GLMN: variants seen among roughly 807,000 people sequenced by gnomAD.
The protein encoded by GLMN is glomulin, FKBP associated protein, also known as glomulin.
Under a neutral mutation model 87.8 loss-of-function variants are expected in GLMN, and 75 were observed. The ratio of observed to expected loss-of-function variants is 0.85; its 90% CI spans 0.71 to 1.04. The LOEUF is 1.04. GLMN is among the 50% of genes least tolerant of loss of function. The probability of loss-of-function intolerance (pLI) is 0.00; values close to 1 mark genes in which losing one functional copy is unlikely to be tolerated. For missense variants in GLMN, 588 were observed against 658.8 expected (o/e 0.89, Z 1.18); for synonymous variants, 206 against 221.6 (o/e 0.93, Z 0.63).
chr1:92,276,499 C>T (rs921793603), intron 7 of GLMN, among the ~76,000 whole-genome samples: 1 of 151,876 alleles, frequency 6.6e-6, no homozygotes, highest in Non-Finnish European at 1.5e-5. Context: ...CCATCTCTAC[C>T]CAAAATACAA....
chr1:92,248,058 A>G, intron 16 of GLMN, 69 bp from the exon 17 acceptor site: 1 of 762,576 alleles, frequency 1.3e-6, no homozygotes, highest in Non-Finnish European at 2.4e-6. Flanking sequence ...AACGCGATAA[A>G]AGCTCAAAAA....
chr1:92,333,448 A>G, the GLMN span: 2 of 1,613,524 alleles, frequency 1.2e-6, no homozygotes, highest in Non-Finnish European at 1.7e-6. Flanking sequence ...TAGAAAACGC[A>G]TCGTACTTGA....
At chr1:92,303,906 G>A, upstream of GLMN, 1 of 946,438 alleles carries the variant, frequency 1.1e-6, no homozygotes, top group Admixed American at 2.4e-5. Flanking sequence ...TAAGATTGAT[G>A]AGGCTTAGAG....
In GLMN at chr1:92,289,183, G is replaced by A. The variant is rs763836242; in HGVS notation, c.395-32C>T. 20 of 1,250,910 alleles carry A rather than the reference G, an allele frequency of 1.6e-5. No homozygotes were observed. The African/African-American group carries it at 2.9e-4, about 18-fold the overall frequency. The allele number at this position is 1,250,910 out of a possible 1,614,324, so 77.5% of individuals were successfully genotyped here. A position where few individuals can be genotyped will look rare whatever the true frequency, so the allele number is the denominator to read the frequency against. On this transcript the variant is annotated intron_variant, in intron 5 of 18. Coordinates refer to ENST00000370360, the MANE Select transcript of GLMN (RefSeq NM_053274.3). ...CAGAGATCAAGTTGTCGCTCATCAA[G>A]TATGCTAAACATGGGACAAGAAATT... is the stretch of plus-strand genomic sequence containing the variant.
chr1:92,328,126 T>A, the GLMN span, among the ~76,000 whole-genome samples: 4 of 152,242 alleles, frequency 2.6e-5, no homozygotes, highest in African/African-American at 9.6e-5. Context: ...CTGATGACTA[T>A]GTGCCGGGGC....
the GLMN span, among the ~76,000 whole-genome samples, chr1:92,363,452 G>A: frequency 6.6e-6 from 1 of 152,202 alleles, no homozygotes; most frequent in Non-Finnish European, 1.5e-5. Context: ...CGTGGCTGCA[G>A]ATGCATTTAT....
At chr1:92,355,792 A>C in the GLMN span, among the ~76,000 whole-genome samples, 1 of 152,158 alleles carries the variant, frequency 6.6e-6, no homozygotes, top group African/African-American at 2.4e-5. Context: ...CAGATTTTGG[A>C]TTTTTGGATT....
chr1:92,275,921 C>G (rs1647250782), intron 7 of GLMN, among the ~76,000 whole-genome samples: 2 of 152,170 alleles, frequency 1.3e-5, no homozygotes, highest in African/African-American at 4.8e-5. Context: ...CTCACCCCCT[C>G]TCATTCAAAG....
intron 7 of GLMN, among the ~76,000 whole-genome samples, chr1:92,278,354 G>T (rs1179830501): frequency 6.6e-6 from 1 of 152,088 alleles, no homozygotes; most frequent in African/African-American, 2.4e-5. Context: ...GAGAAAACCC[G>T]TCACCTCTCC....
chr1:92,325,222 T>C, the GLMN span, among the ~76,000 whole-genome samples: 1 of 152,162 alleles, frequency 6.6e-6, no homozygotes, highest in East Asian at 1.9e-4. Flanking sequence ...AATAACCTTG[T>C]TTTTACCACA....
chr1:92,291,614 A>G, intron 3 of GLMN, 77 bp from the exon 4 acceptor site: 1 of 1,398,872 alleles, frequency 7.1e-7, no homozygotes, highest in Middle Eastern at 1.8e-4. Context: ...ATCTTGGAAG[A>G]GCTCAGAATT....
chr1:92,257,366 C>A (rs977579420), intron 16 of GLMN, among the ~76,000 whole-genome samples: 4 of 152,082 alleles, frequency 2.6e-5, no homozygotes, highest in African/African-American at 9.7e-5. Flanking sequence ...CAAGCTACCA[C>A]TGACTTTCTT....
chr1:92,287,150 T>C (rs1374775778), intron 6 of GLMN, among the ~76,000 whole-genome samples: 1 of 152,214 alleles, frequency 6.6e-6, no homozygotes, highest in East Asian at 1.9e-4. Context: ...CATTGAATTC[T>C]GAATGTTTGA....
intron 9 of GLMN, 135 bp downstream of exon 9, chr1:92,269,588 A>G (rs1656018556): frequency 1.2e-5 from 8 of 675,674 alleles, no homozygotes; most frequent in Non-Finnish European, 2.2e-5. Context: ...CTCGTGAATT[A>G]TTTGCCTCGC....
chr1:92,342,416 T>C, the GLMN span, among the ~76,000 whole-genome samples: 2 of 152,048 alleles, frequency 1.3e-5, no homozygotes, highest in Non-Finnish European at 2.9e-5. Flanking sequence ...CAGAGAAGTA[T>C]GGGATTGGGG....
chr1:92,323,994 T>C, the GLMN span: 2 of 1,614,056 alleles, frequency 1.2e-6, no homozygotes, highest in South Asian at 2.2e-5. Context: ...TGCAGGTGTG[T>C]CCTGAAGTTG....
Position 92,264,645 on chromosome 1 carries a change from A to T in GLMN, c.1215-7T>A, listed in dbSNP as rs1191704717. 1 of 1,460,604 alleles carries T rather than the reference A, an allele frequency of 6.8e-7. No individual in the cohort carries two copies. The highest frequency in any genetic ancestry group is 1.1e-5 in the South Asian group (1 of 87,890). 90.5% of individuals were successfully genotyped at this position (1,460,604 alleles called of 1,614,324 possible). The stretch of plus-strand genomic sequence containing the variant: ...ACTTGTATTCAATAAGCACCTTGAA[A>T]GCAAAATTACAATAGATGTGAAATT... On this transcript the variant is annotated splice_region_variant and splice_polypyrimidine_tract_variant and intron_variant, in intron 13 of 18. Coordinates refer to ENST00000370360, the MANE Select transcript of GLMN (RefSeq NM_053274.3).
the GLMN span, among the ~76,000 whole-genome samples, chr1:92,306,254 T>C: frequency 6.6e-6 from 1 of 152,168 alleles, no homozygotes; most frequent in African/African-American, 2.4e-5. Flanking sequence ...TTCAGTTCTG[T>C]AAGATAAAAA....
chr1:92,308,828 C>A, the GLMN span, among the ~76,000 whole-genome samples: 2 of 151,984 alleles, frequency 1.3e-5, no homozygotes, highest in Non-Finnish European at 2.9e-5. Flanking sequence ...GGTATGGTGG[C>A]GGGCACCTGT....
Sources: gnomAD v4.1 joint callset for allele counts (sites outside exome capture counted in the v4.1 genomes callset) on GRCh38, gnomAD v4.1.1 for gene constraint, MANE v1.5 for transcripts, NCBI Gene and HGNC (gene_info 2026-07-23, HGNC 2026-07-21) for gene names.